POT1: variants seen among roughly 807,000 people sequenced by gnomAD.
POT1 encodes the protein protection of telomeres protein 1.
POT1 carries 47 observed loss-of-function variants against 78.5 expected under a neutral mutation model. The observed-to-expected ratio is 0.60, with a 90% confidence interval of 0.47 to 0.76. The LOEUF (loss-of-function observed/expected upper bound fraction) is 0.76. POT1 is among the 30% of genes least tolerant of loss of function. POT1 has a pLI of 0.00. For missense variants in POT1, 646 were observed against 749.9 expected (o/e 0.86, Z 1.62); for synonymous variants, 259 against 260.7 (o/e 0.99, Z 0.06).
chr7:124,848,641 G>A (rs1244030242), intron 11 of POT1: 1 of 192,760 alleles, frequency 5.2e-6, no homozygotes, highest in Non-Finnish European at 1.1e-5. Flanking sequence ...CCAGCCTGGA[G>A]GACGAAGCGA....
intron 3 of POT1, among the ~76,000 whole-genome samples, chr7:124,908,275 C>T (rs1193419107): frequency 6.6e-6 from 1 of 151,970 alleles, no homozygotes; most frequent in Non-Finnish European, 1.5e-5. Flanking sequence ...GAAAATGTTT[C>T]TCTATAAAAA....
intron 6 of POT1, among the ~76,000 whole-genome samples, chr7:124,878,815 G>A (rs1276364864): frequency 1.3e-5 from 2 of 151,970 alleles, no homozygotes; most frequent in Non-Finnish European, 2.9e-5. Context: ...GTAGCATAGA[G>A]ATAGCCAAAG....
chr7:124,848,629 C>T (rs1269040752), intron 11 of POT1: 1 of 197,916 alleles, frequency 5.1e-6, no homozygotes, highest in African/African-American at 2.5e-5. Context: ...TGCCACTGAA[C>T]TCCAGCCTGG....
intron 6 of POT1, among the ~76,000 whole-genome samples, chr7:124,877,726 G>A (rs995739797): frequency 2.6e-5 from 4 of 151,054 alleles, no homozygotes; most frequent in Non-Finnish European, 5.9e-5. Context: ...CCAACTACTC[G>A]TGAGGCTGAG....
chr7:124,920,462 C>T lies in POT1; in HGVS notation c.-226-4816G>A, dbSNP rs889099581. Among the ~76,000 whole-genome samples the T allele has an allele frequency of 6.6e-5, 10 of 152,072 alleles. No homozygotes were observed. In the East Asian group the frequency reaches 1.2e-3, roughly 18 times the overall value. On this transcript the variant is annotated intron_variant, in intron 2 of 18. Coordinates refer to ENST00000357628, the MANE Select transcript of POT1 (RefSeq NM_015450.3). ...CTATAAAATTTTGGAAGGTGATGAA[C>T]GAATTGATTGTGATTGTGGTTACAT...
At chr7:124,849,479 T>C (rs1584763348) in intron 11 of POT1, among the ~76,000 whole-genome samples, 1 of 152,184 alleles carries the variant, frequency 6.6e-6, no homozygotes, top group East Asian at 1.9e-4. Context: ...ACATATAGTG[T>C]TAACTTCCAA....
At chr7:124,847,094 T>C in intron 11 of POT1, 96 bp from the exon 12 acceptor site, 1 of 777,506 alleles carries the variant, frequency 1.3e-6, no homozygotes, top group South Asian at 1.6e-5. Flanking sequence ...GAAGAAAATA[T>C]AAATAAATGG....
At chr7:124,862,661 C>G (rs1329475532) in intron 8 of POT1, among the ~76,000 whole-genome samples, 1 of 152,132 alleles carries the variant, frequency 6.6e-6, no homozygotes, top group Non-Finnish European at 1.5e-5. Flanking sequence ...CCACTGCATT[C>G]CATTTCTTGC....
intron 3 of POT1, among the ~76,000 whole-genome samples, chr7:124,914,135 A>AG (rs1160144594): frequency 9.6e-6 from 1 of 103,676 alleles, no homozygotes; most frequent in African/African-American, 4.1e-5. Context: ...ACTCTGTCTC[A>AG]GAAAAAAAAA....
intron 2 of POT1, among the ~76,000 whole-genome samples, chr7:124,920,792 T>C (rs1209096165): frequency 6.6e-6 from 1 of 152,058 alleles, no homozygotes; most frequent in Non-Finnish European, 1.5e-5. Flanking sequence ...AAGAATTCAT[T>C]AATAAAAATG....
chr7:124,888,019 T>C (rs1478046980), intron 6 of POT1, among the ~76,000 whole-genome samples: 1 of 152,130 alleles, frequency 6.6e-6, no homozygotes, highest in African/African-American at 2.4e-5. Context: ...TCAGTTCATA[T>C]ATATGTATAT....
intron 6 of POT1, among the ~76,000 whole-genome samples, chr7:124,887,721 C>T (rs891317715): frequency 6.6e-6 from 1 of 152,016 alleles, no homozygotes; most frequent in South Asian, 2.1e-4. Context: ...GTTTAATTAG[C>T]ATTTTTCCCT....
intron 7 of POT1, among the ~76,000 whole-genome samples, chr7:124,870,494 G>A (rs2116566035): frequency 6.6e-6 from 1 of 152,054 alleles, no homozygotes; most frequent in East Asian, 1.9e-4. Context: ...CATTGAACTT[G>A]AATTAACACA....
chr7:124,895,458 G>A (rs566902249), intron 5 of POT1, among the ~76,000 whole-genome samples: 48 of 151,510 alleles, frequency 3.2e-4, no homozygotes, highest in Non-Finnish European at 4.9e-4. Context: ...GTTAACTAGC[G>A]GACAAAAATC....
intron 11 of POT1, among the ~76,000 whole-genome samples, chr7:124,849,880 G>C (rs1320103502): frequency 1.3e-5 from 2 of 152,044 alleles, no homozygotes; most frequent in African/African-American, 4.8e-5. Context: ...AAATTTAAGA[G>C]AAAGAGAAGA....
At chr7:124,858,804 A>G in intron 9 of POT1, 153 bp downstream of exon 9, 1 of 470,440 alleles carries the variant, frequency 2.1e-6, no homozygotes, top group East Asian at 3.4e-5. Flanking sequence ...AATTTATTGT[A>G]ACATACATTT....
At chr7:124,908,949 T>C (rs1458514341) in intron 3 of POT1, among the ~76,000 whole-genome samples, 1 of 151,852 alleles carries the variant, frequency 6.6e-6, no homozygotes, top group African/African-American at 2.4e-5. Flanking sequence ...TCTTCATTTT[T>C]CAGATAAGGG....
intron 2 of POT1, among the ~76,000 whole-genome samples, chr7:124,926,045 G>A (rs1310660210): frequency 1.3e-5 from 2 of 152,060 alleles, no homozygotes; most frequent in African/African-American, 4.8e-5. Context: ...TATTGGTTTA[G>A]GCAAACAATT....
chr7:124,875,152 A>G (rs1208853665), intron 6 of POT1, among the ~76,000 whole-genome samples: 1 of 152,100 alleles, frequency 6.6e-6, no homozygotes, highest in African/African-American at 2.4e-5. Flanking sequence ...GATAAATTTT[A>G]TTTATTTTCC....
Sources: gnomAD v4.1 joint callset for allele counts (sites outside exome capture counted in the v4.1 genomes callset) on GRCh38, gnomAD v4.1.1 for gene constraint, MANE v1.5 for transcripts, NCBI Gene and HGNC (gene_info 2026-07-23, HGNC 2026-07-21) for gene names.